HMCES: variants seen among roughly 807,000 people sequenced by gnomAD.
The protein encoded by HMCES is 5-hydroxymethylcytosine binding, ES cell specific.
HMCES carries 27 observed loss-of-function variants against 35.1 expected under a neutral mutation model. The observed-to-expected ratio is 0.77, with a 90% CI of 0.57 to 1.06. The LOEUF (loss-of-function observed/expected upper bound fraction) is 1.06. Among genes scored for constraint, HMCES ranks in the 50% least tolerant of loss-of-function variants. The pLI, the probability that HMCES is intolerant of heterozygous loss-of-function variation, is 0.00. For missense variants in HMCES, 391 were observed against 430.4 expected (o/e 0.91, Z 0.81); for synonymous variants, 130 against 154.7 (o/e 0.84, Z 1.18).
At chr3:129,282,217 G>C (rs566562553) in intron 2 of HMCES, among the ~76,000 whole-genome samples, 43 of 151,580 alleles carry the variant, frequency 2.8e-4, no homozygotes, top group Middle Eastern at 3.4e-3. Context: ...TAGCACTTTG[G>C]GGGAGGCTGA....
At chr3:129,296,662 T>C (rs2071096548) in intron 4 of HMCES, among the ~76,000 whole-genome samples, 2 of 152,240 alleles carry the variant, frequency 1.3e-5, no homozygotes, top group Admixed American at 1.3e-4. Context: ...AATATTTATG[T>C]CTGGAAATTC....
At chr3:129,282,031 A>G (rs144251482) in intron 2 of HMCES, among the ~76,000 whole-genome samples, 1 of 152,116 alleles carries the variant, frequency 6.6e-6, no homozygotes, top group East Asian at 1.9e-4. Flanking sequence ...ATACTTCCCT[A>G]TTGAAACTTT....
chr3:129,300,161 C>T (rs1384132204), intron 5 of HMCES, among the ~76,000 whole-genome samples: 3 of 124,572 alleles, frequency 2.4e-5, no homozygotes, highest in African/African-American at 4.4e-5. Context: ...GTTAAATGTG[C>T]ATCTTTATAT....
chr3:129,303,887 C>T (rs1316914375), intron 6 of HMCES, among the ~76,000 whole-genome samples: 3 of 152,034 alleles, frequency 2.0e-5, no homozygotes, highest in Non-Finnish European at 2.9e-5. Context: ...GGACTACAAG[C>T]GTACACCACC....
In HMCES at chr3:129,298,508, G is replaced by A; in HGVS notation, c.608G>A (p.Cys203Tyr). ...YSYTIITVDS[C>Y]KGLSDIHHRM... ...TATACCATCATCACAGTGGATTCCT[G>A]CAAAGGCTTGAGTGACATCCACCAC... Residue 203 changes from cysteine (C) to tyrosine (Y), a missense_variant, in exon 5 of 7, where the codon TGC (cysteine) becomes TAC (tyrosine). By Grantham distance (194) the Cys-to-Tyr change is radical. Transcript: ENST00000383463. The A allele has an allele frequency of 6.2e-7, 1 of 1,614,070 alleles. No individual in the cohort carries two copies. Among genetic ancestry groups the A allele is most frequent in the South Asian group, 1.1e-5 (1 of 91,080 alleles).
At chr3:129,292,307 G>A (rs2071028582) in intron 4 of HMCES, among the ~76,000 whole-genome samples, 1 of 151,342 alleles carries the variant, frequency 6.6e-6, no homozygotes, top group East Asian at 2.0e-4. Flanking sequence ...TAGTGTTACC[G>A]AGTAAAAGGG....
intron 4 of HMCES, among the ~76,000 whole-genome samples, chr3:129,292,705 C>A (rs1413792542): frequency 2.0e-5 from 3 of 151,756 alleles, no homozygotes; most frequent in African/African-American, 7.3e-5. Context: ...AGAATGGTCT[C>A]AATCTCCTGA....
rs1940415120 is a variant in HMCES at position 129,279,854 on chromosome 3, C to T, written c.122C>T (p.Ser41Phe). ...AGGGACCCTGATAAGTACTGCCCCT[C>T]TTACAACAAGAGTCCTCAATCCAAC... is the stretch of plus-strand genomic sequence containing the variant. ...EWRDPDKYCP[S>F]YNKSPQSNSP... Residue 41 changes from serine to phenylalanine, a missense_variant, in exon 2 of 7, where the codon TCT (serine) becomes TTT (phenylalanine). Transcript: ENST00000383463. This position sits in a 1 kb window ranked among gnomAD's most constrained non-coding sequence, Gnocchi z 4.2. 1 of 1,610,966 alleles carries T rather than the reference C, an allele frequency of 6.2e-7. No individual in the cohort carries two copies. Among genetic ancestry groups the T allele is most frequent in the Middle Eastern group, 1.7e-4 (1 of 6,048 alleles).
chr3:129,302,063 A>G lies in HMCES; in HGVS notation c.749A>G (p.His250Arg), dbSNP rs1439801530. 3 of 1,614,184 alleles carry G rather than the reference A, an allele frequency of 1.9e-6. No individual in the cohort carries two copies. Among genetic ancestry groups the G allele is most frequent in the Non-Finnish European group, 2.5e-6 (3 of 1,180,008 alleles). Residue 250 changes from histidine to arginine, a missense_variant, in exon 6 of 7, where the codon CAT becomes CGT. His to Arg is a conservative substitution (Grantham distance 29, BLOSUM62 0). Coordinates refer to ENST00000383463, the MANE Select transcript of HMCES (RefSeq NM_020187.3). Reference sequence around the variant, plus strand: ...CACCCAACAGAGAACATCACCTTCCATGCAGTCTCTTCTGTGGTGAACAAC... The same window carrying G: ...CACCCAACAGAGAACATCACCTTCCGTGCAGTCTCTTCTGTGGTGAACAAC... ...LIHPTENITFHAVSSVVNNSR... is the reference protein window; with the variant it reads ...LIHPTENITFRAVSSVVNNSR...
At chr3:129,286,182 T>C (rs1180628325) in intron 2 of HMCES, among the ~76,000 whole-genome samples, 1 of 152,224 alleles carries the variant, frequency 6.6e-6, no homozygotes, top group Non-Finnish European at 1.5e-5. Context: ...GGTTTGAATG[T>C]TTGTGTCCTT....
chr3:129,290,658 C>G (rs1560074974), intron 3 of HMCES, 21 bp from the exon 4 acceptor site: 1 of 1,606,156 alleles, frequency 6.2e-7, no homozygotes, highest in African/African-American at 1.3e-5. Context: ...AAGACCATAT[C>G]TTGCTCACAT....
chr3:129,299,674 C>T (rs1370557453), intron 5 of HMCES, among the ~76,000 whole-genome samples: 13 of 110,720 alleles, frequency 1.2e-4, no homozygotes, highest in Admixed American at 1.1e-3. Flanking sequence ...TTTTTTGAGA[C>T]AGAGTCTCAC....
Position 129,279,596 on chromosome 3 carries a change from G to C in HMCES, c.-23-114G>C. 1 of 1,018,302 alleles carries C rather than the reference G, an allele frequency of 9.8e-7. No individual in the cohort carries two copies. The highest frequency in any genetic ancestry group is 1.4e-6 in the Non-Finnish European group (1 of 695,920). 63.1% of individuals were successfully genotyped at this position (1,018,302 alleles called of 1,614,324 possible). ...GACTTTTTGGGGAAGACTTTAGACGGTGGTCACGGAGGGGCACGGCCCTGT... is the reference window on the plus strand; with the variant it reads ...GACTTTTTGGGGAAGACTTTAGACGCTGGTCACGGAGGGGCACGGCCCTGT... On this transcript the variant is annotated intron_variant, in intron 1 of 6. Transcript: ENST00000383463. This position sits in a 1 kb window ranked among gnomAD's most constrained non-coding sequence, Gnocchi z 4.2.
At chr3:129,300,678 C>T (rs1189356115) in intron 5 of HMCES, among the ~76,000 whole-genome samples, 1 of 150,994 alleles carries the variant, frequency 6.6e-6, no homozygotes, top group African/African-American at 2.4e-5. Context: ...GGGTGGATCA[C>T]GAGTTCAGGA....
chr3:129,298,419 G>T lies in HMCES; in HGVS notation c.519G>T (p.Leu173=). 6.2e-7 allele frequency: 1 copy of T among 1,614,186 alleles called. No homozygotes were observed. The change falls in exon 5 of 7, where the codon CTG becomes CTT. Residue 173 remains leucine (L), a synonymous_variant. Coordinates refer to ENST00000383463, the MANE Select transcript of HMCES (RefSeq NM_020187.3). The part of the protein sequence containing the change: ...NWEKVWDNWR[L]LTMAGIFDCW... ...AGAAAGTCTGGGACAACTGGAGGCT[G>T]CTGACAATGGCCGGGATCTTTGACT...
chr3:129,298,586 G>T, intron 5 of HMCES, 51 bp downstream of exon 5: 1 of 1,529,134 alleles, frequency 6.5e-7, no homozygotes, highest in Non-Finnish European at 9.0e-7. Flanking sequence ...AAGATGATTT[G>T]TCCTCTGCTT....
chr3:129,297,016 G>A (rs193053111), intron 4 of HMCES, among the ~76,000 whole-genome samples: 7 of 152,274 alleles, frequency 4.6e-5, no homozygotes, highest in Non-Finnish European at 8.8e-5. Context: ...GGGATGACAG[G>A]CATGAGCCAC....
chr3:129,301,957 G>A lies in HMCES; in HGVS notation c.643G>A (p.Ala215Thr), dbSNP rs1316661391. 6.2e-7 allele frequency: 1 copy of A among 1,612,554 alleles called. No homozygotes were observed. Among genetic ancestry groups the A allele is most frequent in the Non-Finnish European group, 8.5e-7 (1 of 1,179,148 alleles). Reference protein sequence around the residue: ...GLSDIHHRMPAILDGEEAVSK... With the variant: ...GLSDIHHRMPTILDGEEAVSK... ...CTTAACTTCCCTGGCCAGGATGCCT[G>A]CCATATTAGATGGAGAGGAGGCAGT... is the stretch of plus-strand genomic sequence containing the variant. Residue 215 changes from alanine to threonine, a missense_variant, in exon 6 of 7, where the codon GCC (alanine) becomes ACC (threonine). Transcript: ENST00000383463.
chr3:129,299,094 G>A (rs2071129303), intron 5 of HMCES, among the ~76,000 whole-genome samples: 1 of 152,228 alleles, frequency 6.6e-6, no homozygotes. Flanking sequence ...CTTGCAGTGA[G>A]CCAAGATCGT....
Sources: gnomAD v4.1 joint callset for allele counts (sites outside exome capture counted in the v4.1 genomes callset) on GRCh38, gnomAD v4.1.1 for gene constraint, Gnocchi (gnomAD v3.1) non-coding constraint, MANE v1.5 for transcripts, NCBI Gene and HGNC (gene_info 2026-07-23, HGNC 2026-07-21) for gene names.